The following PRAG1 variants were observed in gnomAD, a reference collection of about 807,000 sequenced individuals.
PRAG1 encodes inactive tyrosine-protein kinase PRAG1.
Under a neutral mutation model 95.6 loss-of-function variants are expected in PRAG1, and 110 were observed. The observed-to-expected ratio is 1.15, with a 90% confidence interval of 0.99 to 1.35. PRAG1 has a LOEUF of 1.35. Ranked by LOEUF, PRAG1 falls within the 40% of genes most tolerant of loss-of-function variation. The pLI, the probability that PRAG1 is intolerant of heterozygous loss-of-function variation, is 0.00. For synonymous variants in PRAG1, 1,052 were observed against 819.4 expected, an observed-to-expected ratio of 1.28 and a Z score of -4.85; for missense variants, 2,554 against 1,864.7, an observed-to-expected ratio of 1.37 and a Z score of -6.81.
intron 3 of PRAG1, among the ~76,000 whole-genome samples, chr8:8,364,941 A>C (rs1451471586): frequency 6.6e-6 from 1 of 152,156 alleles, no homozygotes; most frequent in Non-Finnish European, 1.5e-5. Flanking sequence ...AGGGTCTGGA[A>C]ATTGTCTGTA....
At chr8:8,370,091 T>G (rs1387840969) in intron 3 of PRAG1, among the ~76,000 whole-genome samples, 1 of 152,270 alleles carries the variant, frequency 6.6e-6, no homozygotes, top group Non-Finnish European at 1.5e-5. Flanking sequence ...TAGTCAAGAA[T>G]GTATGCTCAA....
At chr8:8,374,739 C>G (rs1800322955) in intron 3 of PRAG1, 2 of 984,410 alleles carry the variant, frequency 2.0e-6, no homozygotes, top group Non-Finnish European at 2.4e-6. Flanking sequence ...TGTCTGTTCT[C>G]CATGGTGGGC....
chr8:8,374,812 A>T, intron 3 of PRAG1: 1 of 414,756 alleles, frequency 2.4e-6, no homozygotes, highest in Non-Finnish European at 3.2e-6. Context: ...AGATCACATC[A>T]GTGCCTGAGA....
At position 8,383,049 on chromosome 8, in the gene PRAG1, C is replaced by G. The variant is rs143913096; in HGVS notation, c.-87-1215G>C. On this transcript the variant is annotated intron_variant, in intron 1 of 5. Transcript: ENST00000615670. ...TGAATAGGTTCTCATTAAATAGGGA[C>G]CATTTTGCCTTAGGGTTTTCTCTCC... Among the ~76,000 whole-genome samples the G allele has an allele frequency of 1.8e-3, 273 of 152,206 alleles. 1 individual carries two copies. The highest frequency in any genetic ancestry group is 6.4e-3 in the African/African-American group (266 of 41,516).
chr8:8,360,713 A>C (rs937282580), intron 3 of PRAG1, among the ~76,000 whole-genome samples: 1 of 152,196 alleles, frequency 6.6e-6, no homozygotes, highest in African/African-American at 2.4e-5. Flanking sequence ...ATATTTTCTC[A>C]TCTGTTCTCT....
intron 4 of PRAG1, among the ~76,000 whole-genome samples, chr8:8,333,218 C>T (rs1030616409): frequency 6.6e-5 from 10 of 152,168 alleles, no homozygotes; most frequent in African/African-American, 1.7e-4. Flanking sequence ...TCAGTTGCCT[C>T]ATTTGTTGGT....
intron 4 of PRAG1, among the ~76,000 whole-genome samples, chr8:8,332,740 A>C (rs1798863965): frequency 6.7e-6 from 1 of 150,002 alleles, no homozygotes; most frequent in Non-Finnish European, 1.5e-5. Flanking sequence ...CTTGTAGATG[A>C]AATTGGTTTC....
In PRAG1 at chr8:8,328,216, C is replaced by T. The variant is rs747991043; in HGVS notation, c.2566G>A (p.Val856Ile). 2.5e-6 allele frequency: 4 copies of T among 1,614,080 alleles called. No homozygotes were observed. Among genetic ancestry groups the T allele is most frequent in the South Asian group, 1.1e-5 (1 of 91,086 alleles). ...KLNLSHSETNVHDESHFSYSL... is the reference protein window; with the variant it reads ...KLNLSHSETNIHDESHFSYSL... ...TAGCTAAAGTGAGATTCGTCGTGGACGTTGGTTTCCGAGTGGCTTAGGTTC... is the reference window on the plus strand; with the variant it reads ...TAGCTAAAGTGAGATTCGTCGTGGATGTTGGTTTCCGAGTGGCTTAGGTTC... Residue 856 changes from valine (V) to isoleucine (I), a missense_variant, in exon 5 of 6, where the codon GTC becomes ATC. By Grantham distance (29) the Val-to-Ile change is conservative. Coordinates refer to ENST00000615670, the MANE Select transcript of PRAG1 (RefSeq NM_001080826.3).
intron 3 of PRAG1, 46 bp downstream of exon 3, chr8:8,376,201 G>GC (rs1800380649): frequency 6.3e-7 from 1 of 1,577,396 alleles, no homozygotes; most frequent in African/African-American, 1.3e-5. Context: ...TTCTGGAAGA[G>GC]CCCTTTGCCC....
At chr8:8,351,275 A>T (rs1016598705) in intron 3 of PRAG1, among the ~76,000 whole-genome samples, 6 of 152,128 alleles carry the variant, frequency 3.9e-5, no homozygotes, top group African/African-American at 1.4e-4. Context: ...GAACAACCAT[A>T]TCTCATGAGA....
chr8:8,351,991 C>T (rs1799536202), intron 3 of PRAG1, among the ~76,000 whole-genome samples: 1 of 152,138 alleles, frequency 6.6e-6, no homozygotes, highest in African/African-American at 2.4e-5. Context: ...CTGTGCCTGA[C>T]CAGAATCTTT....
chr8:8,331,911 G>T (rs568158621), intron 4 of PRAG1, among the ~76,000 whole-genome samples: 1 of 152,304 alleles, frequency 6.6e-6, no homozygotes, highest in African/African-American at 2.4e-5. Flanking sequence ...TTAACTTCAA[G>T]AATTAGCACA....
intron 3 of PRAG1, among the ~76,000 whole-genome samples, chr8:8,349,937 A>G (rs1799465888): frequency 6.6e-6 from 1 of 150,606 alleles, no homozygotes; most frequent in South Asian, 2.1e-4. Flanking sequence ...AAATACACAC[A>G]CACACACACA....
chr8:8,348,875 C>G (rs955454460), intron 3 of PRAG1, among the ~76,000 whole-genome samples: 3 of 152,176 alleles, frequency 2.0e-5, no homozygotes, highest in Non-Finnish European at 2.9e-5. Context: ...GGAGCTGTGT[C>G]ACAGTTGAGA....
chr8:8,340,622 T>C (rs918321528), intron 3 of PRAG1, among the ~76,000 whole-genome samples: 1 of 152,266 alleles, frequency 6.6e-6, no homozygotes, highest in African/African-American at 2.4e-5. Context: ...AACTGCCTTA[T>C]TTAATGCGCA....
At chr8:8,368,267 C>G (rs371170001) in intron 3 of PRAG1, among the ~76,000 whole-genome samples, 2 of 152,286 alleles carry the variant, frequency 1.3e-5, no homozygotes, top group East Asian at 3.9e-4. Context: ...CAAAGAACAG[C>G]TGTTTATATA....
intron 1 of PRAG1, among the ~76,000 whole-genome samples, chr8:8,382,655 T>C (rs1021125145): frequency 3.3e-5 from 5 of 152,310 alleles, no homozygotes; most frequent in African/African-American, 9.6e-5. Flanking sequence ...ATTGGCTTGC[T>C]CAAAAAATTC....
Position 8,318,786 on chromosome 8 carries a change from C to G in PRAG1, c.3589G>C (p.Gly1197Arg). The G allele has an allele frequency of 2.7e-6, 4 of 1,492,430 alleles. No individual in the cohort carries two copies. Among genetic ancestry groups the G allele is most frequent in the Non-Finnish European group, 3.6e-6 (4 of 1,115,848 alleles). 92.4% of individuals were successfully genotyped at this position (1,492,430 alleles called of 1,614,324 possible). A position where few individuals can be genotyped will look rare whatever the true frequency, so the allele number is the denominator to read the frequency against. ...CGGGGCCCTTCCGGGGAGGCGGGGC[C>G]GGCTGCGGGGCTGAGAGTGCCACCA... The part of the protein sequence containing the change: ...PAGGTLSPAA[G>R]PASPEGPREK... Residue 1197 changes from glycine (G) to arginine (R), a missense_variant, in exon 6 of 6, where the codon GGC (glycine) becomes CGC (arginine). Gly to Arg is a moderately radical substitution (Grantham distance 125, BLOSUM62 -2). Transcript: ENST00000615670. This position sits in a 1 kb window ranked among gnomAD's most constrained non-coding sequence, Gnocchi z 4.2.
chr8:8,349,441 A>C (rs960880159), intron 3 of PRAG1, among the ~76,000 whole-genome samples: 19 of 151,886 alleles, frequency 1.3e-4, no homozygotes, highest in Non-Finnish European at 2.8e-4. Flanking sequence ...CCACCTCGCC[A>C]GGCTAATTTT....
Sources: gnomAD v4.1 joint callset for allele counts (sites outside exome capture counted in the v4.1 genomes callset) on GRCh38, gnomAD v4.1.1 for gene constraint, Gnocchi (gnomAD v3.1) non-coding constraint, MANE v1.5 for transcripts, NCBI Gene and HGNC (gene_info 2026-07-23, HGNC 2026-07-21) for gene names.